The following C1orf21 variants were observed in gnomAD, a reference collection of about 807,000 sequenced individuals.
The protein encoded by C1orf21 is uncharacterized protein C1orf21.
A neutral mutation model predicts 18.7 loss-of-function variants in C1orf21; 3 were observed. The observed-to-expected ratio is 0.16, with a 90% CI of 0.07 to 0.42. C1orf21 has a LOEUF of 0.42. C1orf21 is among the 10% of genes least tolerant of loss of function. The probability of loss-of-function intolerance (pLI) is 0.99; values close to 1 mark genes in which losing one functional copy is unlikely to be tolerated. For synonymous variants in C1orf21, 41 were observed against 46.4 expected (o/e 0.88, Z 0.47); for missense variants, 104 against 143.6 (o/e 0.72, Z 1.41).
intron 1 of C1orf21, among the ~76,000 whole-genome samples, chr1:184,393,901 C>T (rs1571338221): frequency 1.3e-5 from 2 of 151,870 alleles, no homozygotes; most frequent in East Asian, 3.9e-4. Context: ...CTAATTTTTT[C>T]CAATTTGTTG....
In C1orf21 at chr1:184,522,987, C is replaced by T. The variant is rs571067974; in HGVS notation, c.189+15305C>T. 2.0e-5 allele frequency among the ~76,000 whole-genome samples: 3 copies of T among 152,278 alleles called. No individual in the cohort carries two copies. The East Asian group carries it at 5.8e-4, about 29-fold the overall frequency. On this transcript the variant is annotated intron_variant, in intron 3 of 5. Coordinates refer to ENST00000235307, the MANE Select transcript of C1orf21 (RefSeq NM_030806.4). ...ACGGGCATGAGCCAGTACGCCCAGACTTACAAAGGGTACACTTTATACAGA... is the reference window on the plus strand; with the variant it reads ...ACGGGCATGAGCCAGTACGCCCAGATTTACAAAGGGTACACTTTATACAGA...
chr1:184,515,147 G>A (rs1337282022), intron 3 of C1orf21, among the ~76,000 whole-genome samples: 1 of 152,162 alleles, frequency 6.6e-6, no homozygotes, highest in Non-Finnish European at 1.5e-5. Flanking sequence ...GCCATTCTTG[G>A]CTATTTTCCT....
At chr1:184,575,700 GA>G (rs916200012) in intron 3 of C1orf21, among the ~76,000 whole-genome samples, 6 of 148,152 alleles carry the variant, frequency 4.0e-5, no homozygotes, top group South Asian at 2.1e-4. Flanking sequence ...TATACTAATA[GA>G]AAAAAAATTT....
intron 1 of C1orf21, among the ~76,000 whole-genome samples, chr1:184,430,751 A>G (rs540599333): frequency 6.6e-6 from 1 of 152,158 alleles, no homozygotes; most frequent in Non-Finnish European, 1.5e-5. Context: ...TCCATTCATC[A>G]TTCCTTCTTT....
chr1:184,544,156 G>A (rs1426063080), intron 3 of C1orf21, among the ~76,000 whole-genome samples: 3 of 152,162 alleles, frequency 2.0e-5, no homozygotes, highest in Admixed American at 2.0e-4. Context: ...ATCATTTAAT[G>A]TTCTATACAT....
intron 2 of C1orf21, among the ~76,000 whole-genome samples, chr1:184,496,595 T>G (rs1657898191): frequency 6.6e-6 from 1 of 152,200 alleles, no homozygotes; most frequent in South Asian, 2.1e-4. Context: ...GTCCAGGTCA[T>G]GCATTATACT....
intron 1 of C1orf21, among the ~76,000 whole-genome samples, chr1:184,471,664 C>T (rs550751932): frequency 1.1e-4 from 17 of 152,196 alleles, no homozygotes; most frequent in South Asian, 2.1e-4. Context: ...CACCTTACTG[C>T]CTGAATCTAG....
Position 184,565,061 on chromosome 1 carries a change from T to C in C1orf21, c.190-25678T>C, listed in dbSNP as rs139609980. On this transcript the variant is annotated intron_variant, in intron 3 of 5. Coordinates refer to ENST00000235307, the MANE Select transcript of C1orf21 (RefSeq NM_030806.4). Reference sequence around the variant, plus strand: ...ACTGATGTAAAATGAAGGGCTAGACTAGACTACCCTTAAAAGTGCCATCCT... The same window carrying C: ...ACTGATGTAAAATGAAGGGCTAGACCAGACTACCCTTAAAAGTGCCATCCT... 2.0e-3 allele frequency among the ~76,000 whole-genome samples: 305 copies of C among 152,328 alleles called. 3 individuals carry two copies. The highest frequency in any genetic ancestry group is 0.015 in the Admixed American group (232 of 15,300).
chr1:184,610,029 C>A (rs1659704399), intron 5 of C1orf21, among the ~76,000 whole-genome samples: 1 of 152,300 alleles, frequency 6.6e-6, no homozygotes, highest in African/African-American at 2.4e-5. Flanking sequence ...CTAAAGAGGG[C>A]AAAACCCTTG....
In C1orf21 at chr1:184,436,461, G is replaced by T. The variant is rs75989040; in HGVS notation, c.-124-40925G>T. Among the ~76,000 whole-genome samples, 72 of 152,078 alleles carry T rather than the reference G, an allele frequency of 4.7e-4. No individual in the cohort carries two copies. The East Asian group carries it at 0.013, about 28-fold the overall frequency. On this transcript the variant is annotated intron_variant, in intron 1 of 5. Coordinates refer to ENST00000235307, the MANE Select transcript of C1orf21 (RefSeq NM_030806.4). ...GTCGGCAGCCCACGAGACACATTCGGCATGATGCAAAGTTGCCACTCCTCT... is the reference window on the plus strand; with the variant it reads ...GTCGGCAGCCCACGAGACACATTCGTCATGATGCAAAGTTGCCACTCCTCT...
At chr1:184,495,917 C>CAAAAA (rs764285547) in intron 2 of C1orf21, among the ~76,000 whole-genome samples, 1 of 50,868 alleles carries the variant, frequency 2.0e-5, no homozygotes, top group African/African-American at 7.1e-5. Context: ...GACTCTGTCT[C>CAAAAA]AAAAAAAAAA....
At chr1:184,400,615 A>G (rs952664681) in intron 1 of C1orf21, among the ~76,000 whole-genome samples, 2 of 152,200 alleles carry the variant, frequency 1.3e-5, no homozygotes, top group Non-Finnish European at 2.9e-5. Context: ...CAGATATACC[A>G]TAATTATTCA....
At chr1:184,618,425 C>CAG (rs1336110960) in intron 5 of C1orf21, among the ~76,000 whole-genome samples, 1 of 152,082 alleles carries the variant, frequency 6.6e-6, no homozygotes, top group African/African-American at 2.4e-5. Flanking sequence ...GCTAGGAAGT[C>CAG]ACAGAGTCAA....
chr1:184,598,383 C>G lies in C1orf21; in HGVS notation c.267-18C>G, dbSNP rs1454239897. On this transcript the variant is annotated intron_variant, in intron 4 of 5. Coordinates refer to ENST00000235307, the MANE Select transcript of C1orf21 (RefSeq NM_030806.4). ...GCAAAGCACTAAAATATGCACTTAACTACCCTTTGTTTTTCAGCATGCACA... is the reference window on the plus strand; with the variant it reads ...GCAAAGCACTAAAATATGCACTTAAGTACCCTTTGTTTTTCAGCATGCACA... The G allele has an allele frequency of 1.2e-6, 2 of 1,612,320 alleles. No individual in the cohort carries two copies. The highest frequency in any genetic ancestry group is 1.7e-6 in the Non-Finnish European group (2 of 1,179,414).
intron 1 of C1orf21, among the ~76,000 whole-genome samples, chr1:184,399,645 A>G (rs1028157117): frequency 6.6e-5 from 10 of 151,592 alleles, no homozygotes; most frequent in Admixed American, 2.0e-4. Context: ...ATGAGCCACC[A>G]CTCCTGGCCA....
intron 3 of C1orf21, among the ~76,000 whole-genome samples, chr1:184,548,884 C>T (rs1048658342): frequency 6.6e-6 from 1 of 152,072 alleles, no homozygotes; most frequent in Non-Finnish European, 1.5e-5. Context: ...CTCATGACTC[C>T]TTTAAAATTA....
At chr1:184,436,710 C>G (rs1656863903) in intron 1 of C1orf21, among the ~76,000 whole-genome samples, 1 of 152,122 alleles carries the variant, frequency 6.6e-6, no homozygotes, top group African/African-American at 2.4e-5. Flanking sequence ...TTAGCTTTCC[C>G]TTTTTCGATA....
At chr1:184,481,381 G>A (rs1047304822) in intron 2 of C1orf21, among the ~76,000 whole-genome samples, 4 of 152,130 alleles carry the variant, frequency 2.6e-5, no homozygotes, top group Non-Finnish European at 5.9e-5. Flanking sequence ...AAGTGTGCAA[G>A]TGATACATAT....
At chr1:184,521,239 A>G (rs546852345) in intron 3 of C1orf21, among the ~76,000 whole-genome samples, 3 of 152,304 alleles carry the variant, frequency 2.0e-5, no homozygotes, top group African/African-American at 7.2e-5. Context: ...TACAATGCTA[A>G]ACATAATCTT....
Sources: allele counts gnomAD v4.1 joint callset (sites outside exome capture counted in the v4.1 genomes callset), GRCh38; gene constraint gnomAD v4.1.1; transcripts MANE v1.5; gene names NCBI Gene and HGNC (gene_info 2026-07-23, HGNC 2026-07-21).